The following ABCA10 variants were observed in gnomAD, a reference collection of about 807,000 sequenced individuals.
ABCA10 encodes ATP-binding cassette sub-family A member 10.
Under a neutral mutation model 187.5 loss-of-function variants are expected in ABCA10, and 169 were observed. The ratio of observed to expected loss-of-function variants is 0.90; its 90% confidence interval spans 0.80 to 1.02. The LOEUF is 1.02. Ranked by LOEUF, ABCA10 falls within the 50% of genes least tolerant of loss-of-function variation. The pLI, the probability that ABCA10 is intolerant of heterozygous loss-of-function variation, is 0.00. For synonymous variants in ABCA10, 574 were observed against 601.8 expected (o/e 0.95, Z 0.68); for missense variants, 1,727 against 1,812.4 (o/e 0.95, Z 0.86).
At chr17:69,163,210 A>G (rs1054988330) in intron 27 of ABCA10, among the ~76,000 whole-genome samples, 10 of 152,050 alleles carry the variant, frequency 6.6e-5, no homozygotes, top group Admixed American at 5.9e-4. Flanking sequence ...ATCTTGTCTA[A>G]TGTTCTAACC....
intron 32 of ABCA10, 40 bp downstream of exon 32, chr17:69,153,791 C>A (rs769420868): frequency 1.9e-6 from 3 of 1,566,014 alleles, no homozygotes; most frequent in Non-Finnish European, 2.6e-6. Flanking sequence ...ACATATTTTC[C>A]CCTTCCTCCT....
intron 9 of ABCA10, among the ~76,000 whole-genome samples, chr17:69,211,314 GATATATATATATATATATATAT>G (rs58580286): frequency 9.9e-4 from 30 of 30,352 alleles, no homozygotes; most frequent in Admixed American, 5.2e-3. Flanking sequence ...TCATATATAT[GATATATATATATATATATATAT>G]ATATATATAT....
At chr17:69,172,789 T>C (rs1598095144) in intron 25 of ABCA10, among the ~76,000 whole-genome samples, 2 of 79,488 alleles carry the variant, frequency 2.5e-5, no homozygotes, top group South Asian at 7.5e-4. Flanking sequence ...ATAAACTCAT[T>C]AAATTAAAAG....
chr17:69,181,193 A>G (rs905631198), intron 22 of ABCA10, among the ~76,000 whole-genome samples: 2 of 152,166 alleles, frequency 1.3e-5, no homozygotes, highest in South Asian at 2.1e-4. Context: ...TAATCAGCGT[A>G]TATGTCTTAT....
chr17:69,222,765 TAC>T, intron 3 of ABCA10, 68 bp from the exon 4 acceptor site: 1 of 1,363,542 alleles, frequency 7.3e-7, no homozygotes, highest in South Asian at 1.6e-5. Flanking sequence ...AAAAACAAAA[TAC>T]AGTTGCTTGT....
At chr17:69,178,779 T>C (rs774647386) in intron 22 of ABCA10, 17 of 152,142 alleles carry the variant, frequency 1.1e-4, no homozygotes, top group Non-Finnish European at 2.1e-4. Flanking sequence ...ATAATTATTG[T>C]TTTCTTTAAA....
At position 69,216,231 on chromosome 17, in the gene ABCA10, A is replaced by G. The variant is rs2074703252; in HGVS notation, c.658T>C (p.Tyr220His). Reference protein sequence around the residue: ...FMVIFTLYSLYGLSLIALAFL... With the variant: ...FMVIFTLYSLHGLSLIALAFL... ...TACCAACTCACCAAAGAAAGGCCAT[A>G]TAAGCTATAGAGTGTGAATATCACC... The change falls in exon 7 of 39, where the codon TAT becomes CAT. Residue 220 changes from tyrosine (Y) to histidine (H), a missense_variant. By Grantham distance (83) the Tyr-to-His change is moderately conservative. Coordinates refer to ENST00000690296, the MANE Select transcript of ABCA10 (RefSeq NM_001377321.1). 1 of 1,608,696 alleles carries G rather than the reference A, an allele frequency of 6.2e-7. No homozygotes were observed. The highest frequency in any genetic ancestry group is 8.5e-7 in the Non-Finnish European group (1 of 1,177,160).
rs1158907350 is a variant in ABCA10 at position 69,152,442 on chromosome 17, G to GC, written c.4175dup (p.Thr1393HisfsTer12). The GC allele has an allele frequency of 6.2e-7, 1 of 1,613,792 alleles. No individual in the cohort carries two copies. Reference sequence around the variant, plus strand: ...ACATGTAATGGGTGGTCAAGAGGGTGCCCCTCTCCTTGTTTTTAACGGTAG... The same window carrying GC: ...ACATGTAATGGGTGGTCAAGAGGGTGCCCCCTCTCCTTGTTTTTAACGGTAG... On this transcript the variant is annotated frameshift_variant, in exon 35 of 39. Coordinates refer to ENST00000690296, the MANE Select transcript of ABCA10 (RefSeq NM_001377321.1). LOFTEE classifies it high-confidence loss of function.
At chr17:69,160,877 C>T (rs571639103) in intron 27 of ABCA10, among the ~76,000 whole-genome samples, 1 of 152,230 alleles carries the variant, frequency 6.6e-6, no homozygotes, top group Non-Finnish European at 1.5e-5. Context: ...AAAACTAGAA[C>T]TACCATATAA....
chr17:69,207,474 T>C (rs1191794558), intron 9 of ABCA10, among the ~76,000 whole-genome samples: 1 of 152,086 alleles, frequency 6.6e-6, no homozygotes, highest in Non-Finnish European at 1.5e-5. Flanking sequence ...ATAGTCAAGA[T>C]ATGAAAACAA....
intron 34 of ABCA10, 62 bp downstream of exon 34, chr17:69,153,239 AAAAC>A (rs1178831252): frequency 5.9e-6 from 9 of 1,522,048 alleles, no homozygotes; most frequent in Non-Finnish European, 7.9e-6. Flanking sequence ...AAACAAAACA[AAAAC>A]AAAAACAAAA....
intron 1 of ABCA10, chr17:69,233,980 T>C (rs2074847730): frequency 6.6e-6 from 1 of 152,294 alleles, no homozygotes; most frequent in African/African-American, 2.4e-5. Context: ...TCTCCTACAG[T>C]CCCTGGACAG....
intron 27 of ABCA10, 31 bp from the exon 28 acceptor site, chr17:69,156,954 C>A: frequency 7.3e-7 from 1 of 1,364,538 alleles, no homozygotes. Flanking sequence ...TCAGAATTAG[C>A]ATCACCATGG....
chr17:69,166,944 T>A (rs901393590), intron 25 of ABCA10, among the ~76,000 whole-genome samples: 1 of 152,174 alleles, frequency 6.6e-6, no homozygotes, highest in South Asian at 2.1e-4. Flanking sequence ...TGCAGTTGGG[T>A]TGATGATCAG....
rs1228098192 is a variant in ABCA10 at position 69,182,897 on chromosome 17, G to T, written c.2498-89C>A. ...CTTAAAATAATAATGATTGCCAATC[G>T]TGTTAAGAAAAACCCAGAATAGCTT... On this transcript the variant is annotated intron_variant, in intron 20 of 38. Transcript: ENST00000690296. 6.1e-6 allele frequency: 9 copies of T among 1,477,054 alleles called. No individual in the cohort carries two copies. In the East Asian group the frequency reaches 2.0e-4, roughly 34 times the overall value. 91.5% of individuals were successfully genotyped at this position (1,477,054 alleles called of 1,614,324 possible).
Position 69,193,479 on chromosome 17 carries a change from AT to A in ABCA10, c.1641+13del. On this transcript the variant is annotated intron_variant, in intron 14 of 38. Transcript: ENST00000690296. ...CAATCTAAATTAATTGTAAAAATAT[AT>A]TTTTTCTCTCACCTGAGGATCTCCT... 1 of 1,602,024 alleles carries A rather than the reference AT, an allele frequency of 6.2e-7. No individual in the cohort carries two copies. Among genetic ancestry groups the A allele is most frequent in the African/African-American group, 1.4e-5 (1 of 74,062 alleles).
chr17:69,230,553 C>T (rs2144858561), upstream of ABCA10, among the ~76,000 whole-genome samples: 1 of 152,122 alleles, frequency 6.6e-6, no homozygotes, highest in East Asian at 1.9e-4. Context: ...TGAAATACTC[C>T]AGATTTAGGC....
intron 27 of ABCA10, among the ~76,000 whole-genome samples, chr17:69,159,328 T>C (rs1330578184): frequency 6.6e-6 from 1 of 152,048 alleles, no homozygotes. Context: ...ATACCAAATA[T>C]ATGTAATGGT....
intron 27 of ABCA10, among the ~76,000 whole-genome samples, chr17:69,157,841 A>T (rs1208405080): frequency 1.3e-5 from 2 of 152,124 alleles, no homozygotes; most frequent in Non-Finnish European, 2.9e-5. Context: ...ATGATTGAAG[A>T]CATAAATGTG....
Sources: gnomAD v4.1 joint callset for allele counts (sites outside exome capture counted in the v4.1 genomes callset) on GRCh38, gnomAD v4.1.1 for gene constraint, MANE v1.5 for transcripts, NCBI Gene and HGNC (gene_info 2026-07-23, HGNC 2026-07-21) for gene names.